The following MGA variants were observed in gnomAD, a reference collection of about 807,000 sequenced individuals.
The protein encoded by MGA is MAX dimerization protein MGA.
Under a neutral mutation model 261.1 loss-of-function variants are expected in MGA, and 40 were observed. The observed-to-expected ratio is 0.15, with a 90% CI of 0.12 to 0.20. The LOEUF is 0.20. Among genes scored for constraint, MGA ranks in the 10% least tolerant of loss-of-function variants. The pLI is 1.00. For missense variants in MGA, 3,397 were observed against 3,630.5 expected, an observed-to-expected ratio of 0.94 and a Z score of 1.65; for synonymous variants, 1,302 against 1,290.6, an observed-to-expected ratio of 1.01 and a Z score of -0.19.
intron 10 of MGA, 113 bp downstream of exon 10, chr15:41,727,519 AT>A (rs1270621868): frequency 1.0e-6 from 1 of 984,338 alleles, no homozygotes; most frequent in Non-Finnish European, 1.5e-6. Flanking sequence ...TTTCAGTAAT[AT>A]GTTTATAAGA....
chr15:41,705,975 A>G (rs1403413576), intron 5 of MGA, among the ~76,000 whole-genome samples: 1 of 152,194 alleles, frequency 6.6e-6, no homozygotes, highest in Admixed American at 6.5e-5. Context: ...GCGGTGGCTC[A>G]GGCCTGTAAT....
chr15:41,754,147 G>A (rs918779853), intron 17 of MGA, among the ~76,000 whole-genome samples: 3 of 152,124 alleles, frequency 2.0e-5, no homozygotes, highest in Non-Finnish European at 2.9e-5. Flanking sequence ...TTGCACTCCT[G>A]AGCTCAAAAC....
rs61736062 is a variant in MGA, at chr15:41,711,077, G to T, written c.2812G>T (p.Val938Phe). 6 of 1,613,852 alleles carry T rather than the reference G, an allele frequency of 3.7e-6. No individual in the cohort carries two copies. Among genetic ancestry groups the T allele is most frequent in the Non-Finnish European group, 5.1e-6 (6 of 1,179,896 alleles). ...CTCTCATGTGATTCTAGGAGATAAGGTTACCAAGAATTCTTCAGGCATCAT... is the reference window on the plus strand; with the variant it reads ...CTCTCATGTGATTCTAGGAGATAAGTTTACCAAGAATTCTTCAGGCATCAT... The change falls in exon 8 of 24, where the codon GTT (valine) becomes TTT (phenylalanine). Residue 938 changes from valine (V) to phenylalanine (F), a missense_variant. Around this residue, in one of 9 missense-constraint regions of MGA, gnomAD observed 519 missense variants for 554.1 expected, o/e 0.94. Coordinates refer to ENST00000219905, the MANE Select transcript of MGA (RefSeq NM_001164273.2).
intron 1 of MGA, among the ~76,000 whole-genome samples, chr15:41,639,412 C>T (rs1194404035): frequency 6.6e-6 from 1 of 151,944 alleles, no homozygotes; most frequent in Admixed American, 6.6e-5. Flanking sequence ...ACTAAACTCT[C>T]ATAGCACTCT....
In MGA at chr15:41,673,321, G is replaced by A. The variant is rs975650423; in HGVS notation, c.1064+3363G>A. Among the ~76,000 whole-genome samples the A allele has an allele frequency of 5.3e-5, 8 of 151,854 alleles. No individual in the cohort carries two copies. In the East Asian group the frequency reaches 1.5e-3, roughly 29 times the overall value. On this transcript the variant is annotated intron_variant, in intron 2 of 23. Transcript: ENST00000219905. ...CAACCTCTGCCTCCTGGGTTCAAGC[G>A]ATTCTTGTGCCTCAGCCTCTGGATT...
intron 11 of MGA, among the ~76,000 whole-genome samples, chr15:41,732,584 T>TA (rs1361581182): frequency 2.6e-5 from 4 of 152,252 alleles, no homozygotes; most frequent in Non-Finnish European, 5.9e-5. Flanking sequence ...AGTGAACACT[T>TA]ACTTATTGTG....
intron 1 of MGA, among the ~76,000 whole-genome samples, chr15:41,645,047 A>G (rs934089226): frequency 2.0e-5 from 3 of 152,260 alleles, no homozygotes; most frequent in South Asian, 2.1e-4. Context: ...ATACATGTCT[A>G]CAGATGAGAA....
intron 9 of MGA, among the ~76,000 whole-genome samples, chr15:41,726,000 T>G (rs552250228): frequency 6.6e-6 from 1 of 152,354 alleles, no homozygotes; most frequent in East Asian, 1.9e-4. Context: ...ATGCATATAT[T>G]GGTCTATAAC....
intron 2 of MGA, among the ~76,000 whole-genome samples, chr15:41,673,284 C>T (rs1352025740): frequency 6.6e-6 from 1 of 151,820 alleles, no homozygotes; most frequent in Admixed American, 6.6e-5. Context: ...GTGGTGTGAT[C>T]TTGGCTTGCT....
chr15:41,665,308 C>T (rs967772042), intron 1 of MGA, among the ~76,000 whole-genome samples: 2 of 152,128 alleles, frequency 1.3e-5, no homozygotes, highest in Non-Finnish European at 2.9e-5. Context: ...GATGTAGCAT[C>T]TTCCTTTTTG....
intron 1 of MGA, among the ~76,000 whole-genome samples, chr15:41,648,553 G>A (rs545440132): frequency 3.3e-5 from 5 of 152,304 alleles, no homozygotes; most frequent in Admixed American, 2.6e-4. Context: ...CTAAGGAAGT[G>A]ATATTTAGAC....
chr15:41,671,502 A>AT (rs1431424921), intron 2 of MGA, among the ~76,000 whole-genome samples: 2 of 151,540 alleles, frequency 1.3e-5, no homozygotes, highest in East Asian at 3.9e-4. Flanking sequence ...TTTTTTATAT[A>AT]TTTTTTAGTA....
At chr15:41,629,335 G>A (rs114133253) in intron 1 of MGA, among the ~76,000 whole-genome samples, 1,878 of 152,240 alleles carry the variant, frequency 0.012, 36 homozygotes, top group African/African-American at 0.043. Context: ...CATTTACAGA[G>A]ATGGGAAACA....
chr15:41,718,116 T>C (rs1567026625), intron 9 of MGA, among the ~76,000 whole-genome samples: 1 of 151,742 alleles, frequency 6.6e-6, no homozygotes, highest in Admixed American at 6.6e-5. Flanking sequence ...GATAGAAATT[T>C]GATTTAGATA....
intron 11 of MGA, among the ~76,000 whole-genome samples, chr15:41,733,317 G>A (rs1031277628): frequency 5.3e-5 from 8 of 152,094 alleles, no homozygotes; most frequent in African/African-American, 1.9e-4. Context: ...AAGGAAAGAG[G>A]GCAGTCTCTC....
chr15:41,686,029 T>A (rs1417142828), intron 2 of MGA, among the ~76,000 whole-genome samples: 4 of 150,246 alleles, frequency 2.7e-5, no homozygotes, highest in African/African-American at 9.8e-5. Context: ...ATAATAATAA[T>A]AATTTCCCAA....
chr15:41,656,380 CA>C, upstream of MGA, among the ~76,000 whole-genome samples: 1 of 88,794 alleles, frequency 1.1e-5, no homozygotes, highest in African/African-American at 3.3e-5. Context: ...CTCTCTCTCA[CA>C]CCCAGGCTGG....
upstream of MGA, among the ~76,000 whole-genome samples, chr15:41,656,181 TAAAG>T: frequency 6.6e-6 from 1 of 152,184 alleles, no homozygotes; most frequent in Non-Finnish European, 1.5e-5. Context: ...GCAAGCGTCT[TAAAG>T]AAAATACATT....
intron 9 of MGA, among the ~76,000 whole-genome samples, chr15:41,715,442 A>T (rs2060584425): frequency 6.6e-6 from 1 of 152,050 alleles, no homozygotes; most frequent in Admixed American, 6.6e-5. Flanking sequence ...AGTCTTGTTT[A>T]GAAAGTCTTT....
Sources: gnomAD v4.1 joint callset for allele counts (sites outside exome capture counted in the v4.1 genomes callset) on GRCh38, gnomAD v4.1.1 for gene constraint, gnomAD v4.1.1 regional missense constraint, MANE v1.5 for transcripts, NCBI Gene and HGNC (gene_info 2026-07-23, HGNC 2026-07-21) for gene names.